The following PPP2R3A variants were observed in gnomAD, a reference collection of about 807,000 sequenced individuals.
PPP2R3A encodes serine/threonine-protein phosphatase 2A regulatory subunit B'' subunit alpha.
Under a neutral mutation model 106.9 loss-of-function variants are expected in PPP2R3A, and 80 were observed. The observed-to-expected ratio is 0.75, with a 90% confidence interval of 0.62 to 0.90. The LOEUF is 0.90. Ranked by LOEUF, PPP2R3A falls within the 40% of genes least tolerant of loss-of-function variation. The pLI is 0.00. For synonymous variants in PPP2R3A, 483 were observed against 468.3 expected, an observed-to-expected ratio of 1.03 and a Z score of -0.41; for missense variants, 1,386 against 1,350.4, an observed-to-expected ratio of 1.03 and a Z score of -0.41.
intron 3 of PPP2R3A, among the ~76,000 whole-genome samples, chr3:136,028,093 G>T (rs1934732442): frequency 6.6e-6 from 1 of 152,082 alleles, no homozygotes; most frequent in Non-Finnish European, 1.5e-5. Context: ...TGACCCTCTT[G>T]CCCTCTCATA....
intron 1 of PPP2R3A, among the ~76,000 whole-genome samples, chr3:135,987,730 G>T (rs983198620): frequency 3.5e-5 from 5 of 143,880 alleles, no homozygotes; most frequent in Non-Finnish European, 7.7e-5. Flanking sequence ...TCTTCAATTC[G>T]CCATACTCTA....
At chr3:136,127,658 G>C (rs987769770) in intron 13 of PPP2R3A, among the ~76,000 whole-genome samples, 16 of 152,154 alleles carry the variant, frequency 1.1e-4, no homozygotes, top group Admixed American at 1.0e-3. Flanking sequence ...AGGAAATACA[G>C]AGAACACCAC....
intron 1 of PPP2R3A, 30 bp from the exon 2 acceptor site, chr3:136,001,029 A>T (rs978260788): frequency 3.6e-5 from 14 of 389,682 alleles, no homozygotes; most frequent in Non-Finnish European, 5.4e-5. Context: ...CATTAAAAAA[A>T]TTTCCTTTTA....
chr3:136,117,034 CTA>C (rs1285911313), intron 13 of PPP2R3A, among the ~76,000 whole-genome samples: 4 of 152,172 alleles, frequency 2.6e-5, no homozygotes, highest in African/African-American at 9.7e-5. Flanking sequence ...TCACAACAAA[CTA>C]TCTCTCAGAC....
chr3:136,128,416 CAAAG>C (rs1318038836), intron 13 of PPP2R3A, among the ~76,000 whole-genome samples: 6 of 150,764 alleles, frequency 4.0e-5, no homozygotes, highest in African/African-American at 9.7e-5. Context: ...TCAAAAGAGA[CAAAG>C]AAGGCCATTA....
chr3:136,099,138 G>C (rs1156373062), intron 10 of PPP2R3A, among the ~76,000 whole-genome samples: 2 of 152,108 alleles, frequency 1.3e-5, no homozygotes, highest in African/African-American at 2.4e-5. Context: ...CTGGGGAACT[G>C]ACCTGCCCAA....
chr3:136,129,502 C>A (rs1035248762), intron 13 of PPP2R3A, among the ~76,000 whole-genome samples: 2 of 152,108 alleles, frequency 1.3e-5, no homozygotes, highest in Admixed American at 1.3e-4. Flanking sequence ...CAATAACAGG[C>A]TCTGAAATTG....
intron 9 of PPP2R3A, among the ~76,000 whole-genome samples, chr3:136,089,225 T>G (rs926561976): frequency 1.9e-4 from 29 of 152,320 alleles, no homozygotes; most frequent in African/African-American, 6.7e-4. Context: ...GGTCTGATAT[T>G]TAAGTCTTTA....
Position 136,002,775 on chromosome 3 carries a change from C to T in PPP2R3A, c.1277C>T (p.Ala426Val), listed in dbSNP as rs148809441. Residue 426 changes from alanine to valine, a missense_variant, in exon 2 of 14, where the codon GCA (alanine) becomes GTA (valine). Ala to Val is a moderately conservative substitution (Grantham distance 64). Coordinates refer to ENST00000264977, the MANE Select transcript of PPP2R3A (RefSeq NM_002718.5). ...YIEEESDGKKALDKGQKTENG... is the reference protein window; with the variant it reads ...YIEEESDGKKVLDKGQKTENG... Reference sequence around the variant, plus strand: ...GAAGAAGAGTCAGATGGAAAGAAAGCATTAGATAAAGGACAAAAGACAGAG... The same window carrying T: ...GAAGAAGAGTCAGATGGAAAGAAAGTATTAGATAAAGGACAAAAGACAGAG... 3.2e-5 allele frequency: 52 copies of T among 1,612,904 alleles called. No homozygotes were observed. Among genetic ancestry groups the T allele is most frequent in the Middle Eastern group, 3.3e-4 (2 of 6,082 alleles).
intron 3 of PPP2R3A, among the ~76,000 whole-genome samples, chr3:136,039,995 T>G (rs1198771819): frequency 6.6e-6 from 1 of 152,168 alleles, no homozygotes. Flanking sequence ...AATTATAGCA[T>G]TTTACCTTTC....
chr3:136,081,137 C>T (rs1289161724), intron 7 of PPP2R3A, among the ~76,000 whole-genome samples: 7 of 151,970 alleles, frequency 4.6e-5, no homozygotes, highest in African/African-American at 1.5e-4. Flanking sequence ...GGATTACAGG[C>T]GCCTGCCACC....
chr3:136,043,276 A>G (rs567230828), intron 4 of PPP2R3A, among the ~76,000 whole-genome samples: 1 of 152,184 alleles, frequency 6.6e-6, no homozygotes, highest in East Asian at 1.9e-4. Context: ...TGGCTAACAC[A>G]GTGAAACCCC....
At chr3:136,129,905 G>A (rs563709578) in intron 13 of PPP2R3A, among the ~76,000 whole-genome samples, 26 of 152,258 alleles carry the variant, frequency 1.7e-4, no homozygotes, top group Admixed American at 3.9e-4. Flanking sequence ...CAGAACCAAT[G>A]ACAAAAACCA....
intron 3 of PPP2R3A, among the ~76,000 whole-genome samples, chr3:136,031,645 T>C (rs148298880): frequency 6.6e-6 from 1 of 152,254 alleles, no homozygotes; most frequent in Non-Finnish European, 1.5e-5. Flanking sequence ...AGGTCTTAGA[T>C]TTAAGTCCTT....
chr3:136,023,248 A>C, intron 2 of PPP2R3A: 9 of 994,354 alleles, frequency 9.1e-6, no homozygotes, highest in East Asian at 2.8e-5. Context: ...TTTTGTTTTG[A>C]AAATATTTTT....
chr3:136,046,347 C>T (rs1053898629), intron 4 of PPP2R3A, among the ~76,000 whole-genome samples: 1 of 151,748 alleles, frequency 6.6e-6, no homozygotes, highest in Non-Finnish European at 1.5e-5. Flanking sequence ...CCAGCTACTC[C>T]GGAGGCTGAA....
chr3:136,030,825 T>TAC lies in PPP2R3A; in HGVS notation c.2262+3747_2262+3748dup, dbSNP rs375422855. Among the ~76,000 whole-genome samples, 1,321 of 142,102 alleles carry TAC rather than the reference T, an allele frequency of 9.3e-3. 12 individuals carry two copies. Among genetic ancestry groups the TAC allele is most frequent in the African/African-American group, 0.018 (659 of 36,112 alleles). 93.2% of individuals were successfully genotyped at this position (142,102 alleles called of 152,430 possible). A position where few individuals can be genotyped will look rare whatever the true frequency, so the allele number is the denominator to read the frequency against. On this transcript the variant is annotated intron_variant, in intron 3 of 13. Transcript: ENST00000264977. ...ATGTATGTATGTATGTATGTATGTA[T>TAC]ACACACACACACACACACACATGCC...
chr3:135,966,030 T>A (rs532874299), intron 1 of PPP2R3A, among the ~76,000 whole-genome samples, 181 bp downstream of exon 1: 1 of 151,732 alleles, frequency 6.6e-6, no homozygotes, highest in African/African-American at 2.4e-5. Context: ...GAAGTCGGAA[T>A]TCCAGTCGGT....
intron 2 of PPP2R3A, chr3:136,023,140 G>A (rs1242535884): frequency 1.9e-6 from 3 of 1,613,450 alleles, no homozygotes; most frequent in Non-Finnish European, 2.5e-6. Context: ...CTGGCAAGGG[G>A]CTGTGATTTT....
Sources: allele counts gnomAD v4.1 joint callset (sites outside exome capture counted in the v4.1 genomes callset), GRCh38; gene constraint gnomAD v4.1.1; transcripts MANE v1.5; gene names NCBI Gene and HGNC (gene_info 2026-07-23, HGNC 2026-07-21).